The following PRKCH variants were observed in gnomAD, a reference collection of about 807,000 sequenced individuals.
PRKCH encodes the protein protein kinase C eta type.
Under a neutral mutation model 82.5 loss-of-function variants are expected in PRKCH, and 28 were observed. That is an observed-to-expected ratio of 0.34 (90% CI 0.25 to 0.47). The LOEUF is 0.47. Among genes scored for constraint, PRKCH ranks in the 20% least tolerant of loss-of-function variants. PRKCH has a pLI of 1.00. For missense variants in PRKCH, 705 were observed against 881.8 expected, an observed-to-expected ratio of 0.80 and a Z score of 2.54; for synonymous variants, 322 against 327.4, an observed-to-expected ratio of 0.98 and a Z score of 0.18.
chr14:61,323,132 C>A (rs2045652146), intron 1 of PRKCH, among the ~76,000 whole-genome samples: 1 of 152,104 alleles, frequency 6.6e-6, no homozygotes, highest in Non-Finnish European at 1.5e-5. Context: ...TGCTATGGGT[C>A]TGAGAAGAGG....
intron 6 of PRKCH, among the ~76,000 whole-genome samples, chr14:61,452,141 C>T (rs1035577630): frequency 2.6e-5 from 4 of 152,226 alleles, no homozygotes; most frequent in East Asian, 1.9e-4. Context: ...TGCAGCAATC[C>T]GGCTCTTGTG....
intron 1 of PRKCH, among the ~76,000 whole-genome samples, chr14:61,265,102 A>G (rs757193688): frequency 6.6e-6 from 1 of 152,208 alleles, no homozygotes; most frequent in Non-Finnish European, 1.5e-5. Context: ...TCCTCAACAT[A>G]ACCTTTTTCA....
At chr14:61,311,208 G>A (rs780152918) in intron 1 of PRKCH, among the ~76,000 whole-genome samples, 6 of 152,188 alleles carry the variant, frequency 3.9e-5, no homozygotes, top group Non-Finnish European at 8.8e-5. Context: ...AATTTCTGTG[G>A]CCAGCTTGAA....
At chr14:61,277,969 A>T (rs2045219296) in intron 1 of PRKCH, 1 of 152,188 alleles carries the variant, frequency 6.6e-6, no homozygotes, top group African/African-American at 2.4e-5. Flanking sequence ...AATTCAGCAA[A>T]CTCGATAACA....
chr14:61,492,148 G>A (rs1886474323), intron 10 of PRKCH: 1 of 152,226 alleles, frequency 6.6e-6, no homozygotes, highest in Non-Finnish European at 1.5e-5. Flanking sequence ...AGCCTGGCTG[G>A]AGTCTAGGAA....
At chr14:61,372,824 A>T (rs2046379801) in intron 1 of PRKCH, among the ~76,000 whole-genome samples, 1 of 152,172 alleles carries the variant, frequency 6.6e-6, no homozygotes, top group Non-Finnish European at 1.5e-5. Context: ...TCTGTGTGCT[A>T]TAAAGTTCTA....
At chr14:61,210,512 C>T (rs951211774) in intron 1 of PRKCH, among the ~76,000 whole-genome samples, 2 of 152,040 alleles carry the variant, frequency 1.3e-5, no homozygotes, top group Admixed American at 6.6e-5. Context: ...CTGATCACTC[C>T]CCTGAAGATT....
intron 12 of PRKCH, among the ~76,000 whole-genome samples, chr14:61,542,810 G>A (rs1594800177): frequency 6.6e-6 from 1 of 152,162 alleles, no homozygotes; most frequent in Non-Finnish European, 1.5e-5. Flanking sequence ...AAAGAATTAT[G>A]CTGCCACTGT....
At chr14:61,380,559 C>G (rs1164794698) in intron 1 of PRKCH, among the ~76,000 whole-genome samples, 1 of 152,234 alleles carries the variant, frequency 6.6e-6, no homozygotes, top group South Asian at 2.1e-4. Context: ...TGGGCTTGGT[C>G]TCTTCAGAGC....
chr14:61,290,085 A>T (rs577727525), intron 1 of PRKCH, among the ~76,000 whole-genome samples: 2 of 152,200 alleles, frequency 1.3e-5, no homozygotes, highest in Non-Finnish European at 2.9e-5. Flanking sequence ...CAAGGTCAGT[A>T]GATCGAGACC....
At chr14:61,319,617 GTTTTC>G (rs773385565), upstream of PRKCH, among the ~76,000 whole-genome samples, 3 of 152,184 alleles carry the variant, frequency 2.0e-5, no homozygotes, top group Admixed American at 6.5e-5. Flanking sequence ...TATGGGGACT[GTTTTC>G]TTTTAGCCCC....
chr14:61,285,912 CA>C (rs2045310353), intron 1 of PRKCH, among the ~76,000 whole-genome samples: 1 of 152,196 alleles, frequency 6.6e-6, no homozygotes, highest in African/African-American at 2.4e-5. Flanking sequence ...CTTAACACCC[CA>C]AAGATAAGCA....
chr14:61,413,405 C>CG (rs1348437707), intron 2 of PRKCH, among the ~76,000 whole-genome samples: 5 of 22,808 alleles, frequency 2.2e-4, no homozygotes, highest in African/African-American at 5.7e-4. Flanking sequence ...TTTTAAGCGC[C>CG]CCCCCCCCGC....
intron 10 of PRKCH, among the ~76,000 whole-genome samples, chr14:61,522,598 C>G (rs1164004273): frequency 1.3e-5 from 2 of 152,198 alleles, no homozygotes; most frequent in African/African-American, 2.4e-5. Flanking sequence ...CAGCTCAGTT[C>G]AAATGTCACT....
intron 2 of PRKCH, among the ~76,000 whole-genome samples, chr14:61,430,068 T>C (rs1883310880): frequency 6.6e-6 from 1 of 152,210 alleles, no homozygotes; most frequent in African/African-American, 2.4e-5. Flanking sequence ...ATGTTGCTTT[T>C]CTTAATAGGA....
chr14:61,548,500 G>T (rs534266010), intron 13 of PRKCH, among the ~76,000 whole-genome samples: 1 of 152,354 alleles, frequency 6.6e-6, no homozygotes, highest in South Asian at 2.1e-4. Flanking sequence ...AGCTGAGCTC[G>T]TGCTCATCTG....
intron 9 of PRKCH, among the ~76,000 whole-genome samples, chr14:61,463,635 C>T (rs1885126104): frequency 6.6e-6 from 1 of 152,138 alleles, no homozygotes; most frequent in African/African-American, 2.4e-5. Context: ...TTCTGATAAT[C>T]TGGACTACAA....
At chr14:61,430,997 G>T (rs964791506) in intron 2 of PRKCH, among the ~76,000 whole-genome samples, 1 of 152,124 alleles carries the variant, frequency 6.6e-6, no homozygotes, top group East Asian at 1.9e-4. Flanking sequence ...CTCGCGATCC[G>T]CCCGCCTCGG....
At chr14:61,337,422 A>T (rs912537813) in intron 1 of PRKCH, among the ~76,000 whole-genome samples, 2 of 152,014 alleles carry the variant, frequency 1.3e-5, no homozygotes, top group African/African-American at 4.8e-5. Context: ...TAAACAAAAA[A>T]TTTTATTTTA....
Sources: allele counts gnomAD v4.1 joint callset (sites outside exome capture counted in the v4.1 genomes callset), GRCh38; gene constraint gnomAD v4.1.1; transcripts MANE v1.5; gene names NCBI Gene and HGNC (gene_info 2026-07-23, HGNC 2026-07-21).